The following WDPCP variants were observed in gnomAD, a reference collection of about 807,000 sequenced individuals.
WDPCP encodes the protein WD repeat-containing and planar cell polarity effector protein fritz homolog.
In WDPCP, 71 loss-of-function variants were observed where a neutral mutation model predicts 93.1. That is an observed-to-expected ratio of 0.76 (90% CI 0.63 to 0.93). The LOEUF is 0.93. Among genes scored for constraint, WDPCP ranks in the 40% least tolerant of loss-of-function variants. The pLI is 0.00. For synonymous variants in WDPCP, 315 were observed against 315.0 expected (o/e 1.00, Z 0.00); for missense variants, 844 against 887.4 (o/e 0.95, Z 0.62).
At chr2:63,173,083 GA>G (rs1353290154) in intron 15 of WDPCP, among the ~76,000 whole-genome samples, 1 of 151,952 alleles carries the variant, frequency 6.6e-6, no homozygotes, top group Non-Finnish European at 1.5e-5. Context: ...CCAACATGGT[GA>G]AACCCTGTCT....
intron 2 of WDPCP, among the ~76,000 whole-genome samples, chr2:63,805,677 G>T (rs1215284766): frequency 6.6e-6 from 1 of 152,172 alleles, no homozygotes; most frequent in African/African-American, 2.4e-5. Flanking sequence ...CTAACATTAG[G>T]AGGGGCAATG....
chr2:63,187,325 T>C (rs1448277686), intron 14 of WDPCP, among the ~76,000 whole-genome samples: 1 of 152,190 alleles, frequency 6.6e-6, no homozygotes. Flanking sequence ...TTAGCCAATA[T>C]GTCTTTTGGC....
intron 1 of WDPCP, 135 bp from the exon 2 acceptor site, chr2:63,493,075 T>A: frequency 1.3e-6 from 1 of 757,380 alleles, no homozygotes; most frequent in Non-Finnish European, 2.2e-6. Flanking sequence ...AGAATAAACA[T>A]ACTCTAGTGT....
chr2:63,560,322 C>G (rs1193735957), intron 1 of WDPCP, among the ~76,000 whole-genome samples: 1 of 152,076 alleles, frequency 6.6e-6, no homozygotes, highest in African/African-American at 2.4e-5. Flanking sequence ...CTGGAGGTAT[C>G]ATGCTACCCG....
intron 3 of WDPCP, among the ~76,000 whole-genome samples, chr2:63,612,851 C>A (rs557168950): frequency 4.0e-5 from 6 of 151,862 alleles, no homozygotes; most frequent in East Asian, 1.9e-4. Flanking sequence ...GAGATGGAGG[C>A]TAGGACCTAG....
intron 2 of WDPCP, among the ~76,000 whole-genome samples, chr2:63,802,064 A>G (rs1308207705): frequency 6.6e-6 from 1 of 152,144 alleles, no homozygotes; most frequent in Non-Finnish European, 1.5e-5. Context: ...TTTAACCACA[A>G]CAAATAGCAA....
chr2:63,577,330 T>A (rs928999731), intron 1 of WDPCP, among the ~76,000 whole-genome samples: 1 of 152,202 alleles, frequency 6.6e-6, no homozygotes, highest in African/African-American at 2.4e-5. Context: ...ATTCACACAA[T>A]GTACATGGAA....
chr2:63,462,881 C>T (rs907499294), intron 6 of WDPCP, among the ~76,000 whole-genome samples: 3 of 152,000 alleles, frequency 2.0e-5, no homozygotes, highest in Admixed American at 6.6e-5. Flanking sequence ...GGGGTCTCTG[C>T]GTTTCATTTT....
intron 1 of WDPCP, among the ~76,000 whole-genome samples, chr2:63,536,276 T>A (rs1328035603): frequency 1.3e-5 from 2 of 152,196 alleles, no homozygotes; most frequent in Non-Finnish European, 2.9e-5. Context: ...TGTAAACTAG[T>A]TCAACCACTG....
At chr2:63,553,375 T>G (rs1705827371) in intron 1 of WDPCP, among the ~76,000 whole-genome samples, 1 of 152,226 alleles carries the variant, frequency 6.6e-6, no homozygotes, top group Admixed American at 6.5e-5. Context: ...TTTTTGCAGC[T>G]TTGAAGTTGC....
intron 2 of WDPCP, chr2:63,751,709 G>T: frequency 1.9e-6 from 1 of 533,108 alleles, no homozygotes. Context: ...TTCTCCCATT[G>T]CTGTAACTAC....
At chr2:63,762,520 T>C (rs1670070942) in intron 2 of WDPCP, among the ~76,000 whole-genome samples, 1 of 152,152 alleles carries the variant, frequency 6.6e-6, no homozygotes, top group Non-Finnish European at 1.5e-5. Flanking sequence ...TACCTGAAAC[T>C]GGGTAATTTA....
Position 63,682,096 on chromosome 2 carries a change from A to G in WDPCP, n.309-31258T>C, listed in dbSNP as rs1371820796. 3.3e-4 allele frequency among the ~76,000 whole-genome samples: 51 copies of G among 152,258 alleles called. 1 individual carries two copies. Among genetic ancestry groups the G allele is most frequent in the Admixed American group, 3.3e-3 (51 of 15,286 alleles). On this transcript the variant is annotated intron_variant and non_coding_transcript_variant, in intron 2 of 4. Transcript: ENST00000467687. ...ACAAACAAGCCCAGACTGCGAAGACAAAACAAATACCTAACTCTTCAAACA... is the reference window on the plus strand; with the variant it reads ...ACAAACAAGCCCAGACTGCGAAGACGAAACAAATACCTAACTCTTCAAACA...
chr2:63,484,535 A>G lies in WDPCP; in HGVS notation c.384+69T>C. 3 of 1,578,880 alleles carry G rather than the reference A, an allele frequency of 1.9e-6. No homozygotes were observed. The South Asian group carries it at 3.3e-5, about 18-fold the overall frequency. The stretch of plus-strand genomic sequence containing the variant: ...TGTCCATTACCTAACATAACACAAG[A>G]ATACCAATTACTACATAGTTTTCAG... On this transcript the variant is annotated intron_variant, in intron 6 of 17. Coordinates refer to ENST00000272321, the MANE Select transcript of WDPCP (RefSeq NM_015910.7).
At chr2:63,271,984 C>T (rs928781596) in intron 13 of WDPCP, among the ~76,000 whole-genome samples, 9 of 152,144 alleles carry the variant, frequency 5.9e-5, no homozygotes, top group African/African-American at 2.2e-4. Context: ...ACCCACCCAC[C>T]CACCAACCAC....
intron 12 of WDPCP, among the ~76,000 whole-genome samples, chr2:63,376,945 A>C (rs1691899106): frequency 6.6e-6 from 1 of 151,920 alleles, no homozygotes; most frequent in Non-Finnish European, 1.5e-5. Context: ...CTACACAACA[A>C]CACAAATTCT....
rs549441631 is a variant in WDPCP, at chr2:63,174,935, T to A, written c.1916-103A>T. On this transcript the variant is annotated intron_variant, in intron 14 of 17. Transcript: ENST00000272321. ...CAACATTCACATATCCCAGTGGAAC[T>A]TTTTTCTTTGTCAATTTCAAAATCT... 7 of 1,311,038 alleles carry A rather than the reference T, an allele frequency of 5.3e-6. No homozygotes were observed. The African/African-American group carries it at 1.0e-4, about 19-fold the overall frequency. 81.2% of individuals were successfully genotyped at this position (1,311,038 alleles called of 1,614,324 possible).
rs374317631 is a variant in WDPCP at position 63,719,844 on chromosome 2, C to T, written n.309-69006G>A. 7.2e-5 allele frequency among the ~76,000 whole-genome samples: 11 copies of T among 151,940 alleles called. No homozygotes were observed. In the East Asian group the frequency reaches 1.4e-3, roughly 19 times the overall value. On this transcript the variant is annotated intron_variant and non_coding_transcript_variant, in intron 2 of 4. Coordinates refer to the WDPCP transcript ENST00000467687. ...AAGAAAATCAAATGCAGAAATTAACCTTAATTAGCCTTAGAAATTAGCCTT... is the reference window on the plus strand; with the variant it reads ...AAGAAAATCAAATGCAGAAATTAACTTTAATTAGCCTTAGAAATTAGCCTT...
chr2:63,559,132 G>A (rs1706377350), intron 1 of WDPCP, among the ~76,000 whole-genome samples: 1 of 152,004 alleles, frequency 6.6e-6, no homozygotes, highest in Non-Finnish European at 1.5e-5. Flanking sequence ...TTCAACATAT[G>A]CAAATCAGTA....
Sources: allele counts gnomAD v4.1 joint callset (sites outside exome capture counted in the v4.1 genomes callset), GRCh38; gene constraint gnomAD v4.1.1; transcripts MANE v1.5; gene names NCBI Gene and HGNC (gene_info 2026-07-23, HGNC 2026-07-21).